Variants in ZNF497 observed in about 807,000 individuals in gnomAD.
The protein encoded by ZNF497 is zinc finger-like protein.
For synonymous variants in ZNF497, 422 were observed against 313.7 expected (o/e 1.35, Z -3.65); for missense variants, 930 against 714.0 (o/e 1.30, Z -3.45).
At position 58,358,940 on chromosome 19, in the gene ZNF497, T is replaced by TCTGCCAGGGCAGTGGCCTCCTCAGGG. The variant is rs1335605447; in HGVS notation, c.-111-381_-111-356dup. 72 of 457,496 alleles carry TCTGCCAGGGCAGTGGCCTCCTCAGGG rather than the reference T, an allele frequency of 1.6e-4. No homozygotes were observed. The Admixed American group carries it at 1.7e-3, about 11-fold the overall frequency. 28.3% of individuals were successfully genotyped at this position (457,496 alleles called of 1,614,324 possible). A position where few individuals can be genotyped will look rare whatever the true frequency, so the allele number is the denominator to read the frequency against. ...CCCAGCTGACTCCTGCTGTAGCCGC[T>TCTGCCAGGGCAGTGGCCTCCTCAGGG]CTGCCAGGGCAGTGGCCTCCTCAGG... On this transcript the variant is annotated intron_variant, in intron 1 of 2. Coordinates refer to ENST00000311044, the MANE Select transcript of ZNF497 (RefSeq NM_198458.3).
chr19:58,360,695 ATTT>A (rs935118817), intron 1 of ZNF497, among the ~76,000 whole-genome samples: 13 of 100,444 alleles, frequency 1.3e-4, no homozygotes, highest in African/African-American at 4.6e-4. Flanking sequence ...GGCCTGGCTT[ATTT>A]TATTTTATTT....
In ZNF497 at chr19:58,356,160, G is replaced by T. The variant is rs140266067; in HGVS notation, c.1476C>A (p.His492Gln). ...RCNLNEHQKR[H>Q]GGRAAP Reference sequence around the variant, plus strand: ...CGGGTCAGGGCGCAGCGCGGCCCCCGTGCCGCTTCTGGTGCTCGTTGAGGT... The same window carrying T: ...CGGGTCAGGGCGCAGCGCGGCCCCCTTGCCGCTTCTGGTGCTCGTTGAGGT... The change falls in exon 3 of 3, where the codon CAC becomes CAA. Residue 492 changes from histidine (H) to glutamine (Q), a missense_variant. Physicochemically the swap from His to Gln is conservative, Grantham distance 24. Transcript: ENST00000311044. The T allele has an allele frequency of 3.9e-4, 605 of 1,570,340 alleles. 1 individual carries two copies. The highest frequency in any genetic ancestry group is 4.5e-4 in the Non-Finnish European group (524 of 1,157,136).
Position 58,356,727 on chromosome 19 carries a change from G to T in ZNF497, c.909C>A (p.Pro303=), listed in dbSNP as rs374026234. Residue 303 remains proline (P), a synonymous_variant, in exon 3 of 3, where the codon CCC becomes CCA. Coordinates refer to ENST00000311044, the MANE Select transcript of ZNF497 (RefSeq NM_198458.3). ...GGAAAGCCTTTCCGCACTCGGCGCA[G>T]GGGAAGGGCTTCTCGCTGCTGTGCG... ...RRTHSSEKPF[P]CAECGKAFRE... The T allele has an allele frequency of 3.8e-6, 6 of 1,571,586 alleles. No homozygotes were observed. In the African/African-American group the frequency reaches 8.1e-5, roughly 21 times the overall value.
chr19:58,362,213 G>A (rs1398582536), intron 1 of ZNF497, among the ~76,000 whole-genome samples: 1 of 152,202 alleles, frequency 6.6e-6, no homozygotes, highest in Non-Finnish European at 1.5e-5. Context: ...AAACAAATAC[G>A]GAGTGGATAA....
chr19:58,358,167 G>A (rs1212433978), intron 2 of ZNF497: 7 of 1,289,928 alleles, frequency 5.4e-6, no homozygotes, highest in African/African-American at 4.6e-5. Context: ...CACACAGTAT[G>A]GGCAGCATGT....
In ZNF497 at chr19:58,356,661, A is replaced by G; in HGVS notation, c.975T>C (p.Thr325=). The G allele has an allele frequency of 1.3e-6, 2 of 1,538,076 alleles. No individual in the cohort carries two copies. The highest frequency in any genetic ancestry group is 1.2e-5 in the South Asian group (1 of 84,080). Residue 325 remains threonine, a synonymous_variant, in exon 3 of 3, where the codon ACT becomes ACC. Coordinates refer to ENST00000311044, the MANE Select transcript of ZNF497 (RefSeq NM_198458.3). ...SQLLQHQRTH[T]GERPFECAEC... is the part of the protein sequence containing the mutation. Reference sequence around the variant, plus strand: ...CGGCGCACTCGAAGGGCCGCTCACCAGTGTGCGTGCGCTGGTGCTGCAGGA... The same window carrying G: ...CGGCGCACTCGAAGGGCCGCTCACCGGTGTGCGTGCGCTGGTGCTGCAGGA...
intron 1 of ZNF497, among the ~76,000 whole-genome samples, chr19:58,360,762 G>A (rs1212958173): frequency 1.7e-5 from 2 of 119,674 alleles, no homozygotes; most frequent in Non-Finnish European, 1.7e-5. Flanking sequence ...GGCTGGTCCC[G>A]AACTCTTTTT....
intron 2 of ZNF497, chr19:58,358,128 C>T (rs1168390356): frequency 1.6e-6 from 2 of 1,278,208 alleles, no homozygotes; most frequent in Non-Finnish European, 2.0e-6. Flanking sequence ...ACCCACTCCA[C>T]CCTGGCCGGA....
Position 58,356,911 on chromosome 19 carries a change from C to T in ZNF497, c.725G>A (p.Gly242Asp), listed in dbSNP as rs921803243. 1.3e-6 allele frequency: 2 copies of T among 1,593,304 alleles called. No homozygotes were observed. The highest frequency in any genetic ancestry group is 1.3e-5 in the African/African-American group (1 of 74,494). Residue 242 changes from glycine to aspartate, a missense_variant, in exon 3 of 3, where the codon GGC becomes GAC. Physicochemically the swap from Gly to Asp is moderately conservative, Grantham distance 94 (BLOSUM62 -1). Coordinates refer to ENST00000311044, the MANE Select transcript of ZNF497 (RefSeq NM_198458.3). ...GTCCCGGCAGGCGTGCGGCCGCGCG[C>T]CCGTGTGCACGCGCCGGTGCTCCAG... ...NFLEHRRVHT[G>D]ARPHACRDCG...
chr19:58,356,598 C>CAGGAAATTG lies in ZNF497; in HGVS notation c.1037_1038insCAATTTCCT (p.Ala346_Glu347insAsnPheLeu), dbSNP rs1402391828. Reference sequence around the variant, plus strand: ...CGCCCGTGTGCACGCGCCGGTGCTCCGCCAGGTAGGAGCCCATGACGAAAG... The same window carrying CAGGAAATTG: ...CGCCCGTGTGCACGCGCCGGTGCTCCAGGAAATTGGCCAGGTAGGAGCCCATGACGAAAG... On this transcript the variant is annotated inframe_insertion, in exon 3 of 3. Transcript: ENST00000311044. The CAGGAAATTG allele has an allele frequency of 6.5e-7, 1 of 1,545,466 alleles. No homozygotes were observed. The highest frequency in any genetic ancestry group is 1.4e-5 in the African/African-American group (1 of 72,974).
intron 2 of ZNF497, chr19:58,358,066 T>C: frequency 8.2e-7 from 1 of 1,220,332 alleles, no homozygotes; most frequent in Non-Finnish European, 1.0e-6. Context: ...CCCGTCTCCA[T>C]TCCTGAAGGC....
intron 1 of ZNF497, 76 bp downstream of exon 1, chr19:58,362,601 G>A (rs1482865245): frequency 6.6e-6 from 1 of 152,188 alleles, no homozygotes; most frequent in Non-Finnish European, 1.5e-5. Context: ...GGCCCGTCCT[G>A]CCCCGCGCGG....
chr19:58,356,750 G>T lies in ZNF497; in HGVS notation c.886C>A (p.His296Asn), dbSNP rs992938307. The T allele has an allele frequency of 1.3e-5, 21 of 1,564,594 alleles. No individual in the cohort carries two copies. The highest frequency in any genetic ancestry group is 1.6e-5 in the Non-Finnish European group (19 of 1,161,890). Residue 296 changes from histidine (H) to asparagine (N), a missense_variant, in exon 3 of 3, where the codon CAC becomes AAC. His to Asn is a moderately conservative substitution (Grantham distance 68). Coordinates refer to ENST00000311044, the MANE Select transcript of ZNF497 (RefSeq NM_198458.3). ...CAGGGGAAGGGCTTCTCGCTGCTGT[G>T]CGTGCGCCGGTGCTGCCGCAGCCCC... ...VAGLRQHRRT[H>N]SSEKPFPCAE... is the part of the protein sequence containing the mutation.
intron 1 of ZNF497, 122 bp from the exon 2 acceptor site, chr19:58,358,707 G>C: frequency 2.2e-6 from 1 of 457,052 alleles, no homozygotes; most frequent in Non-Finnish European, 4.1e-6. Flanking sequence ...GACACAATGC[G>C]GAGCACACAG....
Position 58,356,270 on chromosome 19 carries a change from C to T in ZNF497, c.1366G>A (p.Glu456Lys). ...HCSKAFVRKS[E>K]LLSHRRTHTG... Reference sequence around the variant, plus strand: ...TGCGTGCGCCGGTGGCTTAAGAGCTCCGACTTGCGCACGAAGGCCTTGCTG... The same window carrying T: ...TGCGTGCGCCGGTGGCTTAAGAGCTTCGACTTGCGCACGAAGGCCTTGCTG... The change falls in exon 3 of 3, where the codon GAG (glutamate) becomes AAG (lysine). Residue 456 changes from glutamate to lysine, a missense_variant. Transcript: ENST00000311044. The T allele has an allele frequency of 6.4e-7, 1 of 1,572,462 alleles. No individual in the cohort carries two copies. The highest frequency in any genetic ancestry group is 8.6e-7 in the Non-Finnish European group (1 of 1,161,470).
Position 58,356,193 on chromosome 19 carries a change from G to A in ZNF497, c.1443C>T (p.His481=). Residue 481 remains histidine (H), a synonymous_variant, in exon 3 of 3, where the codon CAC becomes CAT. Transcript: ENST00000311044. ...ACGECGKPFS[H]RCNLNEHQKR... ...TCTGGTGCTCGTTGAGGTTGCAACG[G>A]TGGCTGAAAGGCTTCCCGCACTCGC... is the stretch of plus-strand genomic sequence containing the variant. 11 of 1,595,568 alleles carry A rather than the reference G, an allele frequency of 6.9e-6. No homozygotes were observed. Among genetic ancestry groups the A allele is most frequent in the Non-Finnish European group, 9.4e-6 (11 of 1,169,164 alleles).
In ZNF497 at chr19:58,354,473, T is replaced by G. The variant is rs2051996253; in HGVS notation, c.*1666A>C. ...GAACAGCCAGTGCAAACATGGGAGA[T>G]GCGGGTGCAGTGAGAAGGAGCAGAG... is the stretch of plus-strand genomic sequence containing the variant. On this transcript the variant is annotated 3_prime_UTR_variant, in exon 3 of 3. Transcript: ENST00000311044. 6.6e-6 allele frequency: 1 copy of G among 152,444 alleles called. No homozygotes were observed. Among genetic ancestry groups the G allele is most frequent in the Non-Finnish European group, 1.5e-5 (1 of 68,232 alleles). 9.4% of individuals were successfully genotyped at this position (152,444 alleles called of 1,614,324 possible).
Position 58,355,857 on chromosome 19 carries a change from C to T in ZNF497, c.*282G>A, listed in dbSNP as rs960560197. 2.5e-5 allele frequency: 10 copies of T among 405,292 alleles called. No homozygotes were observed. Among genetic ancestry groups the T allele is most frequent in the African/African-American group, 2.1e-4 (10 of 47,476 alleles). 25.1% of individuals were successfully genotyped at this position (405,292 alleles called of 1,614,324 possible). On this transcript the variant is annotated 3_prime_UTR_variant, in exon 3 of 3. Coordinates refer to ENST00000311044, the MANE Select transcript of ZNF497 (RefSeq NM_198458.3). ...ACCTGTCGGAGACCCCAGTTCTTGC[C>T]CACCTCTGCATGGACGAACCTCTCG... is the stretch of plus-strand genomic sequence containing the variant.
chr19:58,360,201 A>T (rs1047696757), intron 1 of ZNF497, among the ~76,000 whole-genome samples: 1 of 152,206 alleles, frequency 6.6e-6, no homozygotes, highest in African/African-American at 2.4e-5. Context: ...CGTGGGAGTG[A>T]TGAAAATATT....
Sources: gnomAD v4.1 joint callset for allele counts (sites outside exome capture counted in the v4.1 genomes callset) on GRCh38, gnomAD v4.1.1 for gene constraint, MANE v1.5 for transcripts, NCBI Gene and HGNC (gene_info 2026-07-23, HGNC 2026-07-21) for gene names.